The following RSU1 variants were observed in gnomAD, a reference collection of about 807,000 sequenced individuals.
RSU1 encodes the protein Ras suppressor protein 1, also known as rsu-1.
In RSU1, 26 loss-of-function variants were observed where a neutral mutation model predicts 31.1. That is an observed-to-expected ratio of 0.84 (90% confidence interval 0.61 to 1.16). The LOEUF (loss-of-function observed/expected upper bound fraction) is 1.16. Among genes scored for constraint, RSU1 ranks in the 50% most tolerant of loss-of-function variants. The pLI is 0.00. For synonymous variants in RSU1, 164 were observed against 136.3 expected (o/e 1.20, Z -1.41); for missense variants, 320 against 339.1 (o/e 0.94, Z 0.44).
chr10:16,647,251 T>C (rs7071186), intron 8 of RSU1, among the ~76,000 whole-genome samples: 56,067 of 151,934 alleles, frequency 0.37, 10,869 homozygotes, highest in African/African-American at 0.5. Context: ...GGATTACTGG[T>C]GTGAGCCACC....
At chr10:16,621,280 C>T (rs1054136506) in intron 8 of RSU1, among the ~76,000 whole-genome samples, 4 of 152,158 alleles carry the variant, frequency 2.6e-5, no homozygotes, top group Non-Finnish European at 1.5e-5. Context: ...TGGCCCAAAA[C>T]ATCAAGAGTG....
intron 3 of RSU1, among the ~76,000 whole-genome samples, chr10:16,772,549 G>T (rs1837441534): frequency 6.7e-6 from 1 of 149,690 alleles, no homozygotes; most frequent in Admixed American, 6.7e-5. Context: ...GGCCTGGGGA[G>T]GAAGTGACAT....
chr10:16,594,170 C>T (rs753164045), intron 8 of RSU1, among the ~76,000 whole-genome samples: 1 of 152,188 alleles, frequency 6.6e-6, no homozygotes, highest in Non-Finnish European at 1.5e-5. Flanking sequence ...AAAATAAATA[C>T]AGCTCAAACT....
intron 8 of RSU1, among the ~76,000 whole-genome samples, chr10:16,662,475 T>G (rs1454084311): frequency 1.3e-5 from 2 of 152,188 alleles, no homozygotes; most frequent in Non-Finnish European, 2.9e-5. Flanking sequence ...GACTTCTCTT[T>G]TTCACTTTCC....
chr10:16,783,702 A>T (rs1837708737), intron 2 of RSU1, among the ~76,000 whole-genome samples: 1 of 151,730 alleles, frequency 6.6e-6, no homozygotes, highest in South Asian at 2.1e-4. Flanking sequence ...ACCATTGCAA[A>T]CTTATAGAGA....
intron 7 of RSU1, among the ~76,000 whole-genome samples, chr10:16,711,472 G>A (rs553992910): frequency 8.6e-5 from 13 of 152,020 alleles, no homozygotes; most frequent in Middle Eastern, 3.4e-3. Flanking sequence ...CTTGTGGTAC[G>A]TCATTAGGTT....
chr10:16,764,335 G>C, intron 4 of RSU1, 55 bp downstream of exon 4: 1 of 1,525,178 alleles, frequency 6.6e-7, no homozygotes, highest in Non-Finnish European at 8.8e-7. Context: ...GGCCTTACCC[G>C]GCATGCCCCT....
In RSU1 at chr10:16,754,982, T is replaced by G. The variant is rs1397949859; in HGVS notation, c.289A>C (p.Arg97=). 2 of 1,608,486 alleles carry G rather than the reference T, an allele frequency of 1.2e-6. No individual in the cohort carries two copies. The highest frequency in any genetic ancestry group is 1.7e-6 in the Non-Finnish European group (2 of 1,176,434). ...AAGCCTCGTGGCAAAGTGTTCAGCCTGTTCATGCTGTTGCAGGGGGACAAA... is the reference window on the plus strand; with the variant it reads ...AAGCCTCGTGGCAAAGTGTTCAGCCGGTTCATGCTGTTGCAGGGGGACAAA... The part of the protein sequence containing the change: ...KLKHLNLGMN[R]LNTLPRGFGS... Residue 97 remains arginine, a synonymous_variant, in exon 5 of 9, where the codon AGG becomes CGG. Coordinates refer to ENST00000345264, the MANE Select transcript of RSU1 (RefSeq NM_012425.4).
At chr10:16,699,472 C>T (rs1050145890) in intron 7 of RSU1, among the ~76,000 whole-genome samples, 7 of 152,232 alleles carry the variant, frequency 4.6e-5, no homozygotes, top group African/African-American at 1.7e-4. Flanking sequence ...GCTCGTCTGT[C>T]AGCTGTCGGA....
chr10:16,773,602 C>T (rs1320203468), intron 3 of RSU1, among the ~76,000 whole-genome samples: 3 of 152,168 alleles, frequency 2.0e-5, no homozygotes, highest in Non-Finnish European at 2.9e-5. Flanking sequence ...GCTCTGTCGC[C>T]TCCTCATTCT....
At chr10:16,617,013 A>G (rs1238196135) in intron 8 of RSU1, among the ~76,000 whole-genome samples, 2 of 152,116 alleles carry the variant, frequency 1.3e-5, no homozygotes, top group Non-Finnish European at 2.9e-5. Context: ...AGAGAAGGAA[A>G]GTATTCAACT....
At chr10:16,637,235 C>T (rs963311660) in intron 8 of RSU1, among the ~76,000 whole-genome samples, 2 of 152,162 alleles carry the variant, frequency 1.3e-5, no homozygotes, top group Non-Finnish European at 1.5e-5. Context: ...TTTATGATAT[C>T]CACAGTTATC....
chr10:16,680,570 G>A (rs1049530652), intron 8 of RSU1, among the ~76,000 whole-genome samples: 3 of 152,108 alleles, frequency 2.0e-5, no homozygotes, highest in Admixed American at 6.5e-5. Context: ...AGAAGATGAA[G>A]GGGGTGCAGG....
intron 3 of RSU1, among the ~76,000 whole-genome samples, chr10:16,773,152 T>A (rs571587233): frequency 6.6e-6 from 1 of 151,452 alleles, no homozygotes; most frequent in African/African-American, 2.4e-5. Context: ...TGAGCTGAGA[T>A]TGCATCACTG....
intron 2 of RSU1, among the ~76,000 whole-genome samples, chr10:16,800,714 C>G (rs1838137135): frequency 6.6e-6 from 1 of 152,138 alleles, no homozygotes; most frequent in African/African-American, 2.4e-5. Flanking sequence ...TTTTAAGTTA[C>G]CTGCACTGGC....
chr10:16,749,049 G>C (rs1322041545), intron 7 of RSU1, among the ~76,000 whole-genome samples: 1 of 152,096 alleles, frequency 6.6e-6, no homozygotes, highest in Non-Finnish European at 1.5e-5. Flanking sequence ...ACCGGAAAAG[G>C]CAAGTTCCTT....
chr10:16,732,119 A>AAAC (rs202051931), intron 7 of RSU1, among the ~76,000 whole-genome samples: 1 of 59,582 alleles, frequency 1.7e-5, no homozygotes, highest in African/African-American at 1.6e-4. Context: ...ACTGAATGAA[A>AAAC]AGCAGTTCTG....
intron 4 of RSU1, among the ~76,000 whole-genome samples, chr10:16,761,547 G>C (rs1231806789): frequency 6.6e-6 from 1 of 152,114 alleles, no homozygotes; most frequent in Admixed American, 6.5e-5. Context: ...GGCAGGCAGT[G>C]CTGTGAGCGT....
intron 2 of RSU1, among the ~76,000 whole-genome samples, chr10:16,793,873 A>T (rs536107959): frequency 1.3e-5 from 2 of 151,718 alleles, no homozygotes; most frequent in East Asian, 3.9e-4. Context: ...GATAGCTGGT[A>T]AAATGTTCTT....
Sources: gnomAD v4.1 joint callset for allele counts (sites outside exome capture counted in the v4.1 genomes callset) on GRCh38, gnomAD v4.1.1 for gene constraint, MANE v1.5 for transcripts, NCBI Gene and HGNC (gene_info 2026-07-23, HGNC 2026-07-21) for gene names.